Variants in MTFR2 observed in about 807,000 individuals in gnomAD.
MTFR2 encodes DUF729 domain-containing protein 1.
Under a neutral mutation model 41.2 loss-of-function variants are expected in MTFR2, and 44 were observed. The observed-to-expected ratio is 1.07, with a 90% confidence interval of 0.84 to 1.37. The LOEUF (loss-of-function observed/expected upper bound fraction) is 1.37. MTFR2 is among the 40% of genes most tolerant of loss of function. MTFR2 has a pLI of 0.00. For synonymous variants in MTFR2, 141 were observed against 154.6 expected, an observed-to-expected ratio of 0.91 and a Z score of 0.65; for missense variants, 452 against 459.5, an observed-to-expected ratio of 0.98 and a Z score of 0.15.
At chr6:136,238,947 A>T (rs184714803) in intron 6 of MTFR2, among the ~76,000 whole-genome samples, 114 of 152,264 alleles carry the variant, frequency 7.5e-4, no homozygotes, top group African/African-American at 2.7e-3. Flanking sequence ...ACATGCCTAT[A>T]GTCCCAGCTA....
At position 136,233,506 on chromosome 6, in the gene MTFR2, T is replaced by C. The variant is rs774475040; in HGVS notation, c.870-7A>G. The C allele has an allele frequency of 6.8e-7, 1 of 1,470,382 alleles. No individual in the cohort carries two copies. The highest frequency in any genetic ancestry group is 2.3e-5 in the East Asian group (1 of 42,974). 91.1% of individuals were successfully genotyped at this position (1,470,382 alleles called of 1,614,324 possible). ...GGGTCTACCGCCAGGTGACCTATTT[T>C]TTAAAAAAAAAAATTGAATTTATTA... On this transcript the variant is annotated splice_polypyrimidine_tract_variant and splice_region_variant and intron_variant, in intron 6 of 7. Coordinates refer to ENST00000420702, the MANE Select transcript of MTFR2 (RefSeq NM_001099286.3).
At chr6:136,248,667 A>C (rs1780282762) in intron 2 of MTFR2, 1 of 236,214 alleles carries the variant, frequency 4.2e-6, no homozygotes, top group South Asian at 5.5e-5. Flanking sequence ...CTCAGGCCTA[A>C]ATCATCCTCT....
At chr6:136,240,113 C>G (rs929290701) in intron 5 of MTFR2, among the ~76,000 whole-genome samples, 3 of 152,156 alleles carry the variant, frequency 2.0e-5, no homozygotes, top group Non-Finnish European at 2.9e-5. Context: ...CACATACACT[C>G]TGAACTTCAT....
chr6:136,236,631 C>A (rs1369022208), intron 6 of MTFR2, among the ~76,000 whole-genome samples: 2 of 152,148 alleles, frequency 1.3e-5, no homozygotes, highest in African/African-American at 4.8e-5. Flanking sequence ...TTCTTCTCAA[C>A]AAGCTGCCTC....
At position 136,241,649 on chromosome 6, in the gene MTFR2, C is replaced by CAA; in HGVS notation, c.308_309insTT (p.Glu103AspfsTer2). 6.2e-7 allele frequency: 1 copy of CAA among 1,612,526 alleles called. No homozygotes were observed. The highest frequency in any genetic ancestry group is 8.5e-7 in the Non-Finnish European group (1 of 1,179,696). ...GCAAAGGATGAAAAATTTCCACTTT[C>CAA]TCTTCTTCATTTTTCCATATACTAT... is the stretch of plus-strand genomic sequence containing the variant. On this transcript the variant is annotated frameshift_variant, in exon 5 of 8. Transcript: ENST00000420702. LOFTEE classifies it high-confidence loss of function.
intron 5 of MTFR2, 77 bp downstream of exon 5, chr6:136,241,367 G>C: frequency 8.7e-7 from 1 of 1,143,822 alleles, no homozygotes; most frequent in Non-Finnish European, 1.3e-6. Flanking sequence ...ATTCAGTACA[G>C]TATCATGCTG....
rs1455109927 is a variant in MTFR2, at chr6:136,249,053, C to T, written c.47G>A (p.Gly16Asp). Residue 16 changes from glycine to aspartate, a missense_variant, in exon 2 of 8, where the codon GGC (glycine) becomes GAC (aspartate). Transcript: ENST00000420702. ...NILREMLEYF[G>D]VPVEQVLLIW... is the part of the protein sequence containing the mutation. ...GACATTTACCTGTTCTACAGGAACG[C>T]CAAAATATTCCAGCATCTCTCTTAA... 1 of 1,598,494 alleles carries T rather than the reference C, an allele frequency of 6.3e-7. No individual in the cohort carries two copies. Among genetic ancestry groups the T allele is most frequent in the African/African-American group, 1.4e-5 (1 of 73,858 alleles).
Position 136,241,553 on chromosome 6 carries a change from A to C in MTFR2, c.405T>G (p.Asn135Lys). The C allele has an allele frequency of 6.2e-7, 1 of 1,614,156 alleles. No individual in the cohort carries two copies. The highest frequency in any genetic ancestry group is 8.5e-7 in the Non-Finnish European group (1 of 1,180,022). ...KETVKNDLPVNEAAIRKIAAL... is the reference protein window; with the variant it reads ...KETVKNDLPVKEAAIRKIAAL... ...CAGCTATTTTTCTAATTGCAGCTTC[A>C]TTTACAGGCAGGTCATTTTTCACAG... Residue 135 changes from asparagine to lysine, a missense_variant, in exon 5 of 8, where the codon AAT (asparagine) becomes AAG (lysine). By Grantham distance (94) the Asn-to-Lys change is moderately conservative. Transcript: ENST00000420702.
At chr6:136,240,850 G>A (rs1358160403) in intron 5 of MTFR2, among the ~76,000 whole-genome samples, 2 of 152,196 alleles carry the variant, frequency 1.3e-5, no homozygotes, top group East Asian at 1.9e-4. Flanking sequence ...CCAGCACTTT[G>A]GGAGGCCAAG....
At chr6:136,247,122 G>C (rs895796351) in intron 2 of MTFR2, among the ~76,000 whole-genome samples, 2 of 152,230 alleles carry the variant, frequency 1.3e-5, no homozygotes, top group African/African-American at 4.8e-5. Flanking sequence ...GGCCAAGGCA[G>C]GTGGATCACT....
chr6:136,243,879 T>G (rs781057409), intron 3 of MTFR2, among the ~76,000 whole-genome samples: 4 of 152,116 alleles, frequency 2.6e-5, no homozygotes, highest in Admixed American at 2.0e-4. Context: ...GCAGTGATAT[T>G]GATGATTCTG....
chr6:136,236,087 A>G (rs941176744), intron 6 of MTFR2, among the ~76,000 whole-genome samples: 1 of 152,228 alleles, frequency 6.6e-6, no homozygotes, highest in Non-Finnish European at 1.5e-5. Context: ...CATGGGTAGA[A>G]GGCAGCAGCG....
chr6:136,245,004 T>TAAATAAAAAA (rs1247001349), intron 2 of MTFR2, 135 bp from the exon 3 acceptor site: 10 of 582,842 alleles, frequency 1.7e-5, no homozygotes, highest in Non-Finnish European at 2.7e-5. Context: ...TCCTGTAAAA[T>TAAATAAAAAA]AACATTTATT....
chr6:136,237,901 A>T (rs889478839), intron 6 of MTFR2, among the ~76,000 whole-genome samples: 3 of 152,196 alleles, frequency 2.0e-5, no homozygotes, highest in Admixed American at 1.3e-4. Flanking sequence ...AGCTATAGGA[A>T]GATATGACAT....
intron 5 of MTFR2, 131 bp downstream of exon 5, chr6:136,241,313 T>C: frequency 1.5e-6 from 1 of 661,544 alleles, no homozygotes. Flanking sequence ...AGAATTGTAC[T>C]CACTTAAATA....
At chr6:136,232,607 G>A (rs543841560) in intron 7 of MTFR2, among the ~76,000 whole-genome samples, 26 of 152,204 alleles carry the variant, frequency 1.7e-4, no homozygotes, top group South Asian at 1.0e-3. Context: ...CTCTGCTGAC[G>A]TCTGTCCTTC....
At chr6:136,242,419 T>C (rs1780103646) in intron 4 of MTFR2, among the ~76,000 whole-genome samples, 2 of 152,174 alleles carry the variant, frequency 1.3e-5, no homozygotes, top group Non-Finnish European at 2.9e-5. Flanking sequence ...TATTTGAAAA[T>C]TGGTGCCAGT....
Position 136,240,927 on chromosome 6 carries a change from T to TA in MTFR2, c.514+516dup, listed in dbSNP as rs1163797049. On this transcript the variant is annotated intron_variant, in intron 5 of 7. Transcript: ENST00000420702. ...TAACACGGTGAAACCCCGTCTCTAC[T>TA]AAAAATACAAAAAATTAGCCGAGCG... 7.9e-5 allele frequency among the ~76,000 whole-genome samples: 12 copies of TA among 152,078 alleles called. No homozygotes were observed. The East Asian group carries it at 2.3e-3, about 29-fold the overall frequency.
chr6:136,233,700 T>C (rs752515060), intron 6 of MTFR2, among the ~76,000 whole-genome samples: 3 of 152,172 alleles, frequency 2.0e-5, no homozygotes, highest in African/African-American at 4.8e-5. Context: ...CAAGAACCCA[T>C]GTGACTTGAG....
Sources: gnomAD v4.1 joint callset for allele counts (sites outside exome capture counted in the v4.1 genomes callset) on GRCh38, gnomAD v4.1.1 for gene constraint, MANE v1.5 for transcripts, NCBI Gene and HGNC (gene_info 2026-07-23, HGNC 2026-07-21) for gene names.